Variants in LRRIQ1 observed in about 807,000 individuals in gnomAD.
LRRIQ1 encodes leucine-rich repeat- and IQ domain-containing protein 1.
Under a neutral mutation model 211.9 loss-of-function variants are expected in LRRIQ1, and 210 were observed. That is an observed-to-expected ratio of 0.99 (90% CI 0.89 to 1.11). The LOEUF (loss-of-function observed/expected upper bound fraction) is 1.11, where lower values mean the gene tolerates loss of function less well. LRRIQ1 is among the 50% of genes most tolerant of loss of function. The pLI, the probability that LRRIQ1 is intolerant of heterozygous loss-of-function variation, is 0.00. For missense variants in LRRIQ1, 2,136 were observed against 1,939.5 expected, an observed-to-expected ratio of 1.10 and a Z score of -1.90; for synonymous variants, 699 against 650.1, an observed-to-expected ratio of 1.08 and a Z score of -1.14.
chr12:85,127,991 G>C lies in LRRIQ1; in HGVS notation c.4167G>C (p.Val1389=), dbSNP rs550197779. ...AGAAAGGAAAAAGAGAAAATATTGT[G>C]AATATCCGAAAACAGAGGGAGAAGG... is the stretch of plus-strand genomic sequence containing the variant. ...ILKKGKRENI[V]NIRKQREKAA... is the part of the protein sequence containing the mutation. Residue 1389 remains valine (V), a synonymous_variant, in exon 18 of 27, where the codon GTG becomes GTC. Transcript: ENST00000393217. 5.6e-6 allele frequency: 9 copies of C among 1,613,356 alleles called. No individual in the cohort carries two copies. The African/African-American group carries it at 6.7e-5, about 12-fold the overall frequency.
intron 19 of LRRIQ1, among the ~76,000 whole-genome samples, chr12:85,146,739 T>C (rs1330148658): frequency 6.6e-6 from 1 of 151,754 alleles, no homozygotes; most frequent in East Asian, 1.9e-4. Flanking sequence ...ATCTTGAAAG[T>C]TCAGGAACAA....
intron 11 of LRRIQ1, among the ~76,000 whole-genome samples, chr12:85,081,723 C>CT (rs766961193): frequency 0.041 from 4,635 of 113,326 alleles, 390 homozygotes; most frequent in African/African-American, 0.13. Flanking sequence ...TCTTCTTCTT[C>CT]TTTTTTTTTT....
In LRRIQ1 at chr12:85,044,823, A is replaced by C. The variant is rs200152709; in HGVS notation, c.336+14A>C. The stretch of plus-strand genomic sequence containing the variant: ...CAATTAATTAAGGTATATATTCAAT[A>C]TTTGACTTAAAATATTCACTATTAC... On this transcript the variant is annotated intron_variant, in intron 4 of 26. Coordinates refer to ENST00000393217, the MANE Select transcript of LRRIQ1 (RefSeq NM_001079910.2). 2.5e-6 allele frequency: 3 copies of C among 1,217,920 alleles called. No individual in the cohort carries two copies. Among genetic ancestry groups the C allele is most frequent in the Admixed American group, 1.9e-5 (1 of 51,782 alleles). 75.4% of individuals were successfully genotyped at this position (1,217,920 alleles called of 1,614,324 possible). A position where few individuals can be genotyped will look rare whatever the true frequency, so the allele number is the denominator to read the frequency against.
intron 18 of LRRIQ1, among the ~76,000 whole-genome samples, chr12:85,136,708 T>C (rs929268113): frequency 1.3e-5 from 2 of 151,782 alleles, no homozygotes; most frequent in African/African-American, 4.8e-5. Context: ...TATATATATA[T>C]ATTTCAGAAT....
chr12:85,152,663 C>T (rs1036734099), intron 20 of LRRIQ1, among the ~76,000 whole-genome samples: 2 of 151,636 alleles, frequency 1.3e-5, no homozygotes, highest in African/African-American at 4.8e-5. Context: ...TAGTTGACAG[C>T]ACTTTAAAAA....
intron 19 of LRRIQ1, among the ~76,000 whole-genome samples, chr12:85,143,286 C>A (rs1010439175): frequency 6.6e-6 from 1 of 151,618 alleles, no homozygotes; most frequent in African/African-American, 2.4e-5. Flanking sequence ...AGGTCCTTTG[C>A]TCATTTCCAG....
Position 85,121,702 on chromosome 12 carries a change from C to G in LRRIQ1, c.3383C>G (p.Ser1128Cys), listed in dbSNP as rs1430590892. 6.4e-7 allele frequency: 1 copy of G among 1,567,256 alleles called. No homozygotes were observed. The highest frequency in any genetic ancestry group is 1.2e-5 in the South Asian group (1 of 82,244). The stretch of plus-strand genomic sequence containing the variant: ...TTTTTTGTTGTTTTCAATAGGGATT[C>G]TCTACTTAAAGTGTTGCCTGCTCTG... ...PLLQETNWRD[S>C]LLKVLPALRI... Residue 1128 changes from serine (S) to cysteine (C), a missense_variant, in exon 16 of 27, where the codon TCT becomes TGT. Ser to Cys is a moderately radical substitution (Grantham distance 112). Coordinates refer to ENST00000393217, the MANE Select transcript of LRRIQ1 (RefSeq NM_001079910.2).
downstream of LRRIQ1, among the ~76,000 whole-genome samples, chr12:85,265,175 A>G (rs1210166498): frequency 2.0e-5 from 3 of 152,010 alleles, no homozygotes; most frequent in African/African-American, 7.2e-5. Flanking sequence ...TTTATGATAT[A>G]TTTTGATTAT....
intron 26 of LRRIQ1, among the ~76,000 whole-genome samples, chr12:85,244,420 C>T (rs1021669291): frequency 1.3e-5 from 2 of 151,050 alleles, no homozygotes; most frequent in African/African-American, 4.9e-5. Flanking sequence ...AAAAAATAAC[C>T]CCATATGACA....
intron 11 of LRRIQ1, among the ~76,000 whole-genome samples, chr12:85,089,281 A>G (rs774031800): frequency 1.1e-4 from 16 of 152,212 alleles, no homozygotes; most frequent in Non-Finnish European, 2.2e-4. Context: ...GAATGGTCTC[A>G]TGCAGAAAAT....
At chr12:85,090,311 C>G (rs921905487) in intron 11 of LRRIQ1, among the ~76,000 whole-genome samples, 4 of 152,176 alleles carry the variant, frequency 2.6e-5, no homozygotes, top group African/African-American at 9.7e-5. Flanking sequence ...GGAGGCCCGA[C>G]ACAGTCTCTA....
At chr12:85,228,589 ATT>A (rs1213004655) in intron 24 of LRRIQ1, among the ~76,000 whole-genome samples, 4 of 152,202 alleles carry the variant, frequency 2.6e-5, no homozygotes, top group African/African-American at 9.6e-5. Context: ...AACTAGAGTC[ATT>A]TCACTAATTA....
Position 85,047,431 on chromosome 12 carries a change from AT to A in LRRIQ1, c.642del (p.Phe214LeufsTer8). The A allele has an allele frequency of 6.2e-7, 1 of 1,613,166 alleles. No homozygotes were observed. Among genetic ancestry groups the A allele is most frequent in the Non-Finnish European group, 8.5e-7 (1 of 1,179,610 alleles). On this transcript the variant is annotated frameshift_variant, in exon 6 of 27. Transcript: ENST00000393217. LOFTEE classifies it high-confidence loss of function. Reference protein sequence around the residue: ...EEKRHCWMKQFKVEKKKLENI... With the variant: ...EEKRHCWMKQXKVEKKKLENI... ...AAAAGCGACATTGCTGGATGAAACA[AT>A]TTAAAGTTGAAAAGAAGAAATTAGA...
intron 16 of LRRIQ1, 88 bp downstream of exon 16, chr12:85,121,964 A>G: frequency 8.6e-7 from 1 of 1,167,864 alleles, no homozygotes; most frequent in Non-Finnish European, 1.1e-6. Flanking sequence ...TAACACAATT[A>G]TACTTTTTTG....
intron 24 of LRRIQ1, among the ~76,000 whole-genome samples, chr12:85,166,536 T>C (rs937339229): frequency 8.5e-5 from 13 of 152,370 alleles, no homozygotes; most frequent in Non-Finnish European, 1.3e-4. Context: ...CTTTTTACTT[T>C]AGAATTATAA....
chr12:85,221,795 A>G (rs1344081494), intron 24 of LRRIQ1, among the ~76,000 whole-genome samples: 2 of 152,222 alleles, frequency 1.3e-5, no homozygotes, highest in Non-Finnish European at 2.9e-5. Context: ...ATGGAAAAAA[A>G]CTTTGAATAT....
intron 26 of LRRIQ1, among the ~76,000 whole-genome samples, chr12:85,236,189 T>G (rs1340112075): frequency 6.6e-6 from 1 of 152,164 alleles, no homozygotes; most frequent in Non-Finnish European, 1.5e-5. Context: ...ATAATATCTT[T>G]GCAACTTAGC....
chr12:85,090,735 G>A (rs1885300287), intron 11 of LRRIQ1, among the ~76,000 whole-genome samples: 1 of 152,136 alleles, frequency 6.6e-6, no homozygotes, highest in African/African-American at 2.4e-5. Flanking sequence ...TAGGTGGAAG[G>A]GACTTGCCTT....
chr12:85,213,341 G>A (rs1893929740), intron 24 of LRRIQ1, among the ~76,000 whole-genome samples: 1 of 151,696 alleles, frequency 6.6e-6, no homozygotes, highest in Admixed American at 6.6e-5. Flanking sequence ...CAAAAATAAG[G>A]CAAAAATTAA....
Sources: allele counts gnomAD v4.1 joint callset (sites outside exome capture counted in the v4.1 genomes callset), GRCh38; gene constraint gnomAD v4.1.1; transcripts MANE v1.5; gene names NCBI Gene and HGNC (gene_info 2026-07-23, HGNC 2026-07-21).